Variants in RPS6KC1 observed in about 807,000 individuals in gnomAD.
The protein encoded by RPS6KC1 is inactive ribosomal protein S6 kinase delta-1.
RPS6KC1 carries 54 observed loss-of-function variants against 103.8 expected under a neutral mutation model. That is an observed-to-expected ratio of 0.52 (90% CI 0.42 to 0.65). The LOEUF is 0.65. RPS6KC1 is among the 30% of genes least tolerant of loss of function. The pLI, the probability that RPS6KC1 is intolerant of heterozygous loss-of-function variation, is 0.00. For missense variants in RPS6KC1, 1,151 were observed against 1,253.8 expected (o/e 0.92, Z 1.24); for synonymous variants, 439 against 438.7 (o/e 1.00, Z -0.01).
chr1:213,178,638 G>C (rs943665587), intron 8 of RPS6KC1, among the ~76,000 whole-genome samples: 1 of 152,094 alleles, frequency 6.6e-6, no homozygotes, highest in East Asian at 1.9e-4. Flanking sequence ...CCTAAGTTCT[G>C]CTGAGGGATA....
chr1:213,075,648 G>T (rs577879088), intron 2 of RPS6KC1, among the ~76,000 whole-genome samples: 7 of 152,096 alleles, frequency 4.6e-5, no homozygotes, highest in Non-Finnish European at 1.0e-4. Flanking sequence ...TCACTTCAGG[G>T]CATGGCACCA....
the RPS6KC1 span, among the ~76,000 whole-genome samples, chr1:213,439,211 GC>G: frequency 2.6e-5 from 4 of 152,224 alleles, no homozygotes; most frequent in African/African-American, 9.6e-5. Context: ...ATGTGAATTG[GC>G]ATATGCCCTT....
intron 3 of RPS6KC1, among the ~76,000 whole-genome samples, chr1:213,082,154 C>T (rs1050315419): frequency 6.6e-6 from 1 of 152,020 alleles, no homozygotes; most frequent in Non-Finnish European, 1.5e-5. Flanking sequence ...GGCACGGTGG[C>T]TCATGCCTGT....
At chr1:213,709,900 C>T in the RPS6KC1 span, among the ~76,000 whole-genome samples, 1 of 152,106 alleles carries the variant, frequency 6.6e-6, no homozygotes, top group African/African-American at 2.4e-5. Flanking sequence ...GTTATGATTT[C>T]CATTCTTTTG....
At chr1:213,445,034 T>C in the RPS6KC1 span, among the ~76,000 whole-genome samples, 6,724 of 152,246 alleles carry the variant, frequency 0.044, 166 homozygotes, top group African/African-American at 0.06. Flanking sequence ...TCCTGCAGCC[T>C]TTAGCAAATC....
At chr1:213,255,833 C>G (rs1052047821) in intron 12 of RPS6KC1, among the ~76,000 whole-genome samples, 3 of 152,126 alleles carry the variant, frequency 2.0e-5, no homozygotes, top group Non-Finnish European at 2.9e-5. Flanking sequence ...TTAGGAAGTT[C>G]TTCTTTATAT....
intron 12 of RPS6KC1, among the ~76,000 whole-genome samples, chr1:213,261,251 T>TA (rs1317522176): frequency 1.3e-5 from 2 of 152,034 alleles, no homozygotes; most frequent in African/African-American, 4.8e-5. Flanking sequence ...TTCTCAAATG[T>TA]AAAAAATTAA....
At position 213,258,347 on chromosome 1, in the gene RPS6KC1, T is replaced by G. The variant is rs573823545; in HGVS notation, c.2912-3211T>G. Among the ~76,000 whole-genome samples, 99 of 152,280 alleles carry G rather than the reference T, an allele frequency of 6.5e-4. 2 individuals are homozygous for G. Among genetic ancestry groups the G allele is most frequent in the Middle Eastern group, 3.4e-3 (1 of 294 alleles). On this transcript the variant is annotated intron_variant, in intron 12 of 14. Coordinates refer to ENST00000366960, the MANE Select transcript of RPS6KC1 (RefSeq NM_012424.6). ...TCAAACTCCTGACTTCAGGTGATCC[T>G]TATAATACTAAGAAGTATACACTGC...
the RPS6KC1 span, among the ~76,000 whole-genome samples, chr1:213,594,520 A>G: frequency 6.6e-6 from 1 of 152,202 alleles, no homozygotes; most frequent in Non-Finnish European, 1.5e-5. Context: ...AGGGGCTCCT[A>G]TAATTTCTCC....
chr1:213,675,482 C>T, the RPS6KC1 span, among the ~76,000 whole-genome samples: 10 of 152,290 alleles, frequency 6.6e-5, no homozygotes, highest in Middle Eastern at 3.4e-3. Context: ...GTTATTCTTT[C>T]GCATATGGCT....
At chr1:213,335,269 A>G in the RPS6KC1 span, among the ~76,000 whole-genome samples, 5 of 152,258 alleles carry the variant, frequency 3.3e-5, no homozygotes, top group Non-Finnish European at 5.9e-5. Flanking sequence ...GAAGTTAAGT[A>G]CATAATGATA....
the RPS6KC1 span, among the ~76,000 whole-genome samples, chr1:213,607,090 C>T: frequency 3.9e-5 from 6 of 152,264 alleles, no homozygotes; most frequent in East Asian, 3.9e-4. Context: ...GTATGTCTTA[C>T]GTGCTCAGCA....
At chr1:213,129,427 T>C in intron 5 of RPS6KC1, 100 bp from the exon 6 acceptor site, 9 of 1,317,498 alleles carry the variant, frequency 6.8e-6, no homozygotes, top group Non-Finnish European at 9.3e-6. Context: ...GCCTTCCAAA[T>C]TGACTTGGAT....
intron 8 of RPS6KC1, among the ~76,000 whole-genome samples, chr1:213,198,069 A>G (rs529210882): frequency 6.6e-6 from 1 of 152,058 alleles, no homozygotes; most frequent in South Asian, 2.1e-4. Flanking sequence ...ATGCTTTAAG[A>G]AGGTTGTATT....
intron 10 of RPS6KC1, among the ~76,000 whole-genome samples, chr1:213,239,552 C>T (rs1223914821): frequency 6.6e-6 from 1 of 152,048 alleles, no homozygotes; most frequent in Non-Finnish European, 1.5e-5. Flanking sequence ...TTTCCGTTGA[C>T]TTTTTTACAC....
chr1:213,109,105 T>C (rs1222316520), intron 4 of RPS6KC1, among the ~76,000 whole-genome samples: 8 of 152,298 alleles, frequency 5.3e-5, no homozygotes, highest in African/African-American at 1.7e-4. Context: ...TTGCAATCCA[T>C]GAAAATGAAA....
rs570156486 is a variant in RPS6KC1 at position 213,161,488 on chromosome 1, T to C, written c.836-6370T>C. Among the ~76,000 whole-genome samples, 88 of 152,154 alleles carry C rather than the reference T, an allele frequency of 5.8e-4. 3 individuals carry two copies. In the South Asian group the frequency reaches 0.018, roughly 31 times the overall value. ...GGTGTGCACCACCATGCCCAGCTAATTTTTGTATTTTTAATAGAGATGGGG... is the reference window on the plus strand; with the variant it reads ...GGTGTGCACCACCATGCCCAGCTAACTTTTGTATTTTTAATAGAGATGGGG... On this transcript the variant is annotated intron_variant, in intron 6 of 14. Transcript: ENST00000366960.
At chr1:213,500,575 A>G in the RPS6KC1 span, among the ~76,000 whole-genome samples, 3 of 152,232 alleles carry the variant, frequency 2.0e-5, no homozygotes, top group Non-Finnish European at 4.4e-5. Flanking sequence ...AGACTTTAAT[A>G]TGACTGGCAG....
At chr1:213,138,077 G>A (rs560585040) in intron 6 of RPS6KC1, among the ~76,000 whole-genome samples, 2 of 151,738 alleles carry the variant, frequency 1.3e-5, no homozygotes, top group South Asian at 2.1e-4. Flanking sequence ...TTGAAATTTG[G>A]TGGCCATTGT....
Sources: gnomAD v4.1 joint callset for allele counts (sites outside exome capture counted in the v4.1 genomes callset) on GRCh38, gnomAD v4.1.1 for gene constraint, MANE v1.5 for transcripts, NCBI Gene and HGNC (gene_info 2026-07-23, HGNC 2026-07-21) for gene names.